Variants in PTPRH observed in about 807,000 individuals in gnomAD.
The protein encoded by PTPRH is receptor-type tyrosine-protein phosphatase H.
PTPRH carries 113 observed loss-of-function variants against 130.2 expected under a neutral mutation model. The ratio of observed to expected loss-of-function variants is 0.87; its 90% confidence interval spans 0.75 to 1.01. The LOEUF is 1.01. Ranked by LOEUF, PTPRH falls within the 50% of genes least tolerant of loss-of-function variation. The pLI, the probability that PTPRH is intolerant of heterozygous loss-of-function variation, is 0.00. For synonymous variants in PTPRH, 556 were observed against 577.9 expected (o/e 0.96, Z 0.54); for missense variants, 1,430 against 1,425.0 (o/e 1.00, Z -0.06).
In PTPRH at chr19:55,191,658, C is replaced by A. The variant is rs190080254; in HGVS notation, c.2336+5G>T. ...CCAGGCGGTCAGCCCTGTGCTGAGT[C>A]TCACCTCCTCTTCAGGAAGAAAATC... On this transcript the variant is annotated splice_donor_5th_base_variant and intron_variant, in intron 11 of 19. Coordinates refer to ENST00000376350, the MANE Select transcript of PTPRH (RefSeq NM_002842.5). 6.2e-7 allele frequency: 1 copy of A among 1,613,890 alleles called. No individual in the cohort carries two copies. Among genetic ancestry groups the A allele is most frequent in the East Asian group, 2.2e-5 (1 of 44,872 alleles).
At position 55,197,322 on chromosome 19, in the gene PTPRH, C is replaced by T. The variant is rs1431998098; in HGVS notation, c.1785G>A (p.Leu595=). 2 of 1,614,128 alleles carry T rather than the reference C, an allele frequency of 1.2e-6. No homozygotes were observed. The highest frequency in any genetic ancestry group is 1.7e-6 in the Non-Finnish European group (2 of 1,180,058). ...WKAPGDPHSQ[L]YVYWVQWASK... ...TGGCCCACTGGACCCAGTATACGTACAACTGAGAGTGGGGGTCTCCAGGGG... is the reference window on the plus strand; with the variant it reads ...TGGCCCACTGGACCCAGTATACGTATAACTGAGAGTGGGGGTCTCCAGGGG... The change falls in exon 9 of 20, where the codon TTG becomes TTA. Residue 595 remains leucine, a synonymous_variant. Transcript: ENST00000376350.
rs2086824579 is a variant in PTPRH at position 55,200,460 on chromosome 19, T to C, written c.1196A>G (p.Asn399Ser). The C allele has an allele frequency of 6.2e-7, 1 of 1,613,990 alleles. No individual in the cohort carries two copies. Among genetic ancestry groups the C allele is most frequent in the African/African-American group, 1.3e-5 (1 of 74,894 alleles). Residue 399 changes from asparagine to serine, a missense_variant, in exon 7 of 20, where the codon AAC (asparagine) becomes AGC (serine). By Grantham distance (46) the Asn-to-Ser change is conservative (BLOSUM62 1). Transcript: ENST00000376350. ...VRNLHMETQT[N>S]SSIALCWEVP... is the part of the protein sequence containing the mutation. Reference sequence around the variant, plus strand: ...TTCCCAGCATAGGGCGATGGAGCTGTTGGTCTGAGTCTCCATATGGAGGTT... The same window carrying C: ...TTCCCAGCATAGGGCGATGGAGCTGCTGGTCTGAGTCTCCATATGGAGGTT...
At chr19:55,185,325 T>C (rs1459573294) in intron 18 of PTPRH, among the ~76,000 whole-genome samples, 177 bp downstream of exon 18, 2 of 152,136 alleles carry the variant, frequency 1.3e-5, no homozygotes, top group Non-Finnish European at 2.9e-5. Flanking sequence ...CATCTTTTCA[T>C]CCTTATCCCC....
chr19:55,203,045 AG>A (rs1413299587), intron 5 of PTPRH, among the ~76,000 whole-genome samples: 5 of 147,118 alleles, frequency 3.4e-5, no homozygotes, highest in African/African-American at 1.0e-4. Context: ...AAAAAAAAAA[AG>A]GGCTGGGCAC....
At chr19:55,200,897 C>T (rs1198140260) in intron 6 of PTPRH, among the ~76,000 whole-genome samples, 8 of 151,664 alleles carry the variant, frequency 5.3e-5, no homozygotes, top group African/African-American at 1.5e-4. Context: ...GAGCCGAGAT[C>T]GCGCCACTGC....
chr19:55,202,023 T>C, intron 6 of PTPRH, 33 bp downstream of exon 6: 2 of 1,609,524 alleles, frequency 1.2e-6, no homozygotes, highest in Non-Finnish European at 1.7e-6. Context: ...CTTAAACAAA[T>C]AAGAGATCAA....
chr19:55,198,591 T>C, intron 8 of PTPRH, 52 bp downstream of exon 8: 1 of 1,493,288 alleles, frequency 6.7e-7, no homozygotes, highest in Non-Finnish European at 8.9e-7. Context: ...CCTTTCATCT[T>C]TTTCCTTCCC....
intron 18 of PTPRH, among the ~76,000 whole-genome samples, chr19:55,183,383 C>T (rs1402965700): frequency 2.0e-5 from 3 of 149,030 alleles, no homozygotes; most frequent in South Asian, 2.1e-4. Flanking sequence ...CCAGCCTGGG[C>T]GACAGAGCAA....
rs767126181 is a variant in PTPRH, at chr19:55,197,196, G to A, written c.1911C>T (p.Pro637=). 15 of 1,614,240 alleles carry A rather than the reference G, an allele frequency of 9.3e-6. No homozygotes were observed. The East Asian group carries it at 1.3e-4, about 14-fold the overall frequency. ...ETWYKVEALE[P]GTLYNFTVWA... is the part of the protein sequence containing the mutation. The stretch of plus-strand genomic sequence containing the variant: ...ACACGGTGAAATTGTACAACGTCCC[G>A]GGTTCCAGGGCCTCCACTTTGTACC... Residue 637 remains proline, a synonymous_variant, in exon 9 of 20, where the codon CCC becomes CCT. Coordinates refer to ENST00000376350, the MANE Select transcript of PTPRH (RefSeq NM_002842.5).
intron 14 of PTPRH, among the ~76,000 whole-genome samples, chr19:55,186,926 T>C (rs550824644): frequency 8.9e-4 from 135 of 151,838 alleles, no homozygotes; most frequent in Non-Finnish European, 1.5e-3. Context: ...GCGCCTGTAG[T>C]CCCAGCTACT....
chr19:55,186,343 TG>T lies in PTPRH; in HGVS notation c.2659del (p.Gln887ArgfsTer32). On this transcript the variant is annotated frameshift_variant, in exon 16 of 20. Transcript: ENST00000376350. ...GGGACCCTGGGTTGCAATGAACTCC[TG>T]GGGGCTCCAGAGACCCTGGTTGAGG... ...ASFMPGLWSPQEFIATQGPLP... is the reference protein window; with the variant it reads ...ASFMPGLWSPXEFIATQGPLP... 6.2e-7 allele frequency: 1 copy of T among 1,613,870 alleles called. No individual in the cohort carries two copies. Among genetic ancestry groups the T allele is most frequent in the Non-Finnish European group, 8.5e-7 (1 of 1,179,878 alleles).
chr19:55,196,750 A>G lies in PTPRH; in HGVS notation c.2029T>C (p.Ser677Pro). The G allele has an allele frequency of 1.2e-6, 2 of 1,614,112 alleles. No individual in the cohort carries two copies. Among genetic ancestry groups the G allele is most frequent in the Non-Finnish European group, 1.7e-6 (2 of 1,180,016 alleles). ...ATCAAGTTGACTCCATAGCCCGCTG[A>G]GGTGCTGACACAGGAAGTGATGGTG... is the stretch of plus-strand genomic sequence containing the variant. ...TVTITSCVST[S>P]AGYGVNLIWS... The change falls in exon 10 of 20, where the codon TCA (serine) becomes CCA (proline). Residue 677 changes from serine (S) to proline (P), a missense_variant. Ser to Pro is a moderately conservative substitution (Grantham distance 74, BLOSUM62 -1). Coordinates refer to ENST00000376350, the MANE Select transcript of PTPRH (RefSeq NM_002842.5).
chr19:55,206,579 C>A, intron 3 of PTPRH, 110 bp downstream of exon 3: 1 of 1,154,466 alleles, frequency 8.7e-7, no homozygotes, highest in East Asian at 2.5e-5. Context: ...GTGTGGCTTC[C>A]ACTGTGTTTC....
chr19:55,193,134 A>G (rs983035051), intron 10 of PTPRH, among the ~76,000 whole-genome samples: 2 of 151,918 alleles, frequency 1.3e-5, no homozygotes, highest in Non-Finnish European at 2.9e-5. Context: ...GAGGCTGAGC[A>G]TAAGAGTCAC....
chr19:55,197,059 C>T (rs1033203275), intron 9 of PTPRH, 58 bp downstream of exon 9: 37 of 1,578,538 alleles, frequency 2.3e-5, no homozygotes, highest in Admixed American at 8.5e-5. Flanking sequence ...TCTCTCAGCT[C>T]GCAAGGACTG....
intron 10 of PTPRH, among the ~76,000 whole-genome samples, chr19:55,195,628 A>G (rs61704307): frequency 0.061 from 9,215 of 152,288 alleles, 809 homozygotes; most frequent in East Asian, 0.24. Context: ...GCTGGAGTGC[A>G]GTGGCCCCGA....
At position 55,206,765 on chromosome 19, in the gene PTPRH, C is replaced by T. The variant is rs543210670; in HGVS notation, c.276G>A (p.Gly92=). 1.9e-5 allele frequency: 31 copies of T among 1,614,060 alleles called. No individual in the cohort carries two copies. The highest frequency in any genetic ancestry group is 2.5e-5 in the Non-Finnish European group (30 of 1,180,032). Residue 92 remains glycine, a synonymous_variant, in exon 3 of 20, where the codon GGG becomes GGA. Transcript: ENST00000376350. The stretch of plus-strand genomic sequence containing the variant: ...CCCACACAGAACACGTATACAATGA[C>T]CCGGGTCCAAGGCCATCCACGGTGA... ...TNVTVDGLGP[G]SLYTCSVWVE...
chr19:55,199,169 T>C (rs146805539), intron 7 of PTPRH, among the ~76,000 whole-genome samples: 265 of 152,346 alleles, frequency 1.7e-3, no homozygotes, highest in African/African-American at 6.2e-3. Flanking sequence ...TAGCTGGGCA[T>C]AGTAGCACAT....
Position 55,186,231 on chromosome 19 carries a change from G to T in PTPRH, c.2772C>A (p.Ala924=), listed in dbSNP as rs200971482. The change falls in exon 16 of 20, where the codon GCC becomes GCA. Residue 924 remains alanine, a synonymous_variant. Transcript: ENST00000376350. ...TLVMLTNCME[A]GRVKCEHYWP... ...CAGGACTCAGATCTCTCACCCGGCC[G>T]GCCTCCATGCAGTTGGTCAGCATGA... The T allele has an allele frequency of 6.2e-7, 1 of 1,608,764 alleles. No individual in the cohort carries two copies. The highest frequency in any genetic ancestry group is 1.1e-5 in the South Asian group (1 of 90,820).
Sources: allele counts gnomAD v4.1 joint callset (sites outside exome capture counted in the v4.1 genomes callset), GRCh38; gene constraint gnomAD v4.1.1; transcripts MANE v1.5; gene names NCBI Gene and HGNC (gene_info 2026-07-23, HGNC 2026-07-21).